The following NICOL1 variants were observed in gnomAD, a reference collection of about 807,000 sequenced individuals.
NICOL1 encodes the protein NELL2-interacting cell ontogeny regulator 1.
At chr4:2,037,845 G>T in the NICOL1 span, among the ~76,000 whole-genome samples, 2 of 151,362 alleles carry the variant, frequency 1.3e-5, no homozygotes, top group Non-Finnish European at 3.0e-5. Context: ...TTTCATAAAA[G>T]ACTACATATA....
At chr4:2,042,051 CG>C in the NICOL1 span, 3 of 1,475,828 alleles carry the variant, frequency 2.0e-6, no homozygotes, top group East Asian at 2.9e-5. Flanking sequence ...CTGCTGGTCC[CG>C]GGGTCCCTGA....
At chr4:2,038,237 G>GTGTGTATATATATA in the NICOL1 span, among the ~76,000 whole-genome samples, 6 of 91,454 alleles carry the variant, frequency 6.6e-5, no homozygotes, top group African/African-American at 2.2e-4. Context: ...TGATCAGTGT[G>GTGTGTATATATATA]TATATATATA....
the NICOL1 span, among the ~76,000 whole-genome samples, chr4:2,041,397 G>A: frequency 1.3e-5 from 2 of 152,226 alleles, no homozygotes; most frequent in Admixed American, 1.3e-4. Flanking sequence ...AGGACCTGTG[G>A]TCGGGGCTCC....
the NICOL1 span, chr4:2,042,722 C>T: frequency 4.0e-6 from 6 of 1,502,038 alleles, no homozygotes; most frequent in Non-Finnish European, 5.3e-6. Context: ...CACCCTGACC[C>T]GCGCCCCCCG....
chr4:2,041,556 C>A, the NICOL1 span, among the ~76,000 whole-genome samples: 1 of 152,138 alleles, frequency 6.6e-6, no homozygotes, highest in African/African-American at 2.4e-5. Context: ...AAAAGCCGGG[C>A]GAGGGCGGAT....
the NICOL1 span, chr4:2,041,975 G>GC: frequency 1.4e-6 from 2 of 1,454,136 alleles, no homozygotes; most frequent in Non-Finnish European, 1.8e-6. Context: ...GGGAACCCGG[G>GC]CGGGGTCGGG....
the NICOL1 span, among the ~76,000 whole-genome samples, chr4:2,038,133 A>G: frequency 6.7e-6 from 1 of 149,214 alleles, no homozygotes; most frequent in Non-Finnish European, 1.5e-5. Context: ...TTGTTATTAT[A>G]AGTAATAATT....
the NICOL1 span, among the ~76,000 whole-genome samples, chr4:2,041,083 A>C: frequency 6.8e-4 from 97 of 142,034 alleles, no homozygotes; most frequent in Admixed American, 1.8e-3. Flanking sequence ...CCCACCAAGA[A>C]GAGGGTCTGG....
At chr4:2,037,578 AAT>A in the NICOL1 span, among the ~76,000 whole-genome samples, 2 of 152,250 alleles carry the variant, frequency 1.3e-5, no homozygotes, top group Non-Finnish European at 2.9e-5. Flanking sequence ...AATAAATAAA[AAT>A]AGTTAATCGG....
At chr4:2,042,997 G>C in the NICOL1 span, among the ~76,000 whole-genome samples, 1 of 152,146 alleles carries the variant, frequency 6.6e-6, no homozygotes, top group Non-Finnish European at 1.5e-5. Context: ...GGCATTCTGG[G>C]CACCTGTCTC....
At chr4:2,041,974 G>C in the NICOL1 span, 1 of 1,453,454 alleles carries the variant, frequency 6.9e-7, no homozygotes. Context: ...GGGGAACCCG[G>C]GCGGGGTCGG....
chr4:2,038,133 A>AAGT, the NICOL1 span, among the ~76,000 whole-genome samples: 2 of 149,214 alleles, frequency 1.3e-5, no homozygotes, highest in African/African-American at 2.4e-5. Context: ...TTGTTATTAT[A>AAGT]AGTAATAATT....
chr4:2,040,704 C>A, the NICOL1 span, among the ~76,000 whole-genome samples: 6 of 152,230 alleles, frequency 3.9e-5, no homozygotes, highest in East Asian at 1.9e-4. Flanking sequence ...CCGCAGCCCC[C>A]ACCCGGCCCC....
At chr4:2,042,508 G>T in the NICOL1 span, 1 of 415,452 alleles carries the variant, frequency 2.4e-6, no homozygotes, top group South Asian at 7.5e-5. Context: ...GCCGGGTTCC[G>T]GGGAGCGGGG....
At chr4:2,042,857 C>T in the NICOL1 span, 32 of 1,426,376 alleles carry the variant, frequency 2.2e-5, no homozygotes, top group Non-Finnish European at 3.0e-5. Context: ...TCCTCCCGGG[C>T]TTCCCAGGGG....
At chr4:2,038,274 T>C in the NICOL1 span, among the ~76,000 whole-genome samples, 1 of 137,050 alleles carries the variant, frequency 7.3e-6, no homozygotes, top group Admixed American at 7.4e-5. Context: ...TATATATATA[T>C]ATATATATAT....
At chr4:2,042,831 G>A in the NICOL1 span, 3 of 1,477,950 alleles carry the variant, frequency 2.0e-6, no homozygotes, top group East Asian at 8.3e-5. Context: ...GCGGGTGAGC[G>A]CCCGCGGCGC....
At chr4:2,040,641 C>G in the NICOL1 span, among the ~76,000 whole-genome samples, 1 of 152,168 alleles carries the variant, frequency 6.6e-6, no homozygotes, top group Non-Finnish European at 1.5e-5. Flanking sequence ...GAAGTGCGCA[C>G]TAGCCCGACA....
At chr4:2,037,021 T>A in the NICOL1 span, among the ~76,000 whole-genome samples, 1 of 152,052 alleles carries the variant, frequency 6.6e-6, no homozygotes, top group Admixed American at 6.6e-5. Flanking sequence ...GTGGGAGGGA[T>A]TGGATCACGG....
Sources: allele counts gnomAD v4.1 joint callset (sites outside exome capture counted in the v4.1 genomes callset), GRCh38; gene constraint gnomAD v4.1.1; transcripts MANE v1.5; gene names NCBI Gene and HGNC (gene_info 2026-07-23, HGNC 2026-07-21).